ZNF503: variants seen among roughly 807,000 people sequenced by gnomAD.
ZNF503 encodes the protein zinc finger protein 503, also known as NocA-like zinc finger 2.
ZNF503 carries 15 observed loss-of-function variants against 34.4 expected under a neutral mutation model. The observed-to-expected ratio is 0.44, with a 90% CI of 0.29 to 0.67. The LOEUF (loss-of-function observed/expected upper bound fraction) is 0.67. Ranked by LOEUF, ZNF503 falls within the 30% of genes least tolerant of loss-of-function variation. ZNF503 has a pLI of 0.13. For synonymous variants in ZNF503, 580 were observed against 456.8 expected, an observed-to-expected ratio of 1.27 and a Z score of -3.44; for missense variants, 1,007 against 926.8, an observed-to-expected ratio of 1.09 and a Z score of -1.12.
chr10:75,400,970 G>A lies in ZNF503; in HGVS notation c.315+135C>T, dbSNP rs1488023651. The A allele has an allele frequency of 4.6e-6, 6 of 1,295,280 alleles. 1 individual carries two copies. The highest frequency in any genetic ancestry group is 3.7e-4 in the Middle Eastern group (2 of 5,384). 80.2% of individuals were successfully genotyped at this position (1,295,280 alleles called of 1,614,324 possible). A position where few individuals can be genotyped will look rare whatever the true frequency, so the allele number is the denominator to read the frequency against. ...TCCGCCCTAGTTTTGAGGTACGGAA[G>A]CAGTAGCCTCTTCCCCCATTCGGGA... On this transcript the variant is annotated intron_variant, in intron 1 of 1. Coordinates refer to ENST00000372524, the MANE Select transcript of ZNF503 (RefSeq NM_032772.6).
chr10:75,340,143 C>G, the ZNF503 span, among the ~76,000 whole-genome samples: 5 of 10,978 alleles, frequency 4.6e-4, no homozygotes, highest in Non-Finnish European at 8.7e-4. Flanking sequence ...GAATGGGGGC[C>G]TGGTGGTGGG....
At chr10:75,344,776 A>C in the ZNF503 span, among the ~76,000 whole-genome samples, 1 of 152,222 alleles carries the variant, frequency 6.6e-6, no homozygotes. Flanking sequence ...GGTTGGTGCC[A>C]GCGTCATTGC....
At chr10:75,345,398 A>G in the ZNF503 span, among the ~76,000 whole-genome samples, 13 of 152,064 alleles carry the variant, frequency 8.5e-5, no homozygotes, top group Non-Finnish European at 7.4e-5. Flanking sequence ...GCACTTTGGG[A>G]GGCTGAGGCA....
At chr10:75,370,527 TC>T in the ZNF503 span, among the ~76,000 whole-genome samples, 3 of 152,016 alleles carry the variant, frequency 2.0e-5, no homozygotes, top group African/African-American at 7.3e-5. Flanking sequence ...ATGCCTGTAA[TC>T]CCAGCACTTT....
the ZNF503 span, among the ~76,000 whole-genome samples, chr10:75,338,745 G>A: frequency 2.0e-5 from 3 of 152,162 alleles, no homozygotes; most frequent in Admixed American, 6.5e-5. Context: ...GGAAGGTGTC[G>A]CCATAGGGAC....
chr10:75,395,777 T>C (rs759194078), downstream of ZNF503, among the ~76,000 whole-genome samples: 2 of 152,212 alleles, frequency 1.3e-5, no homozygotes, highest in Non-Finnish European at 2.9e-5. This position sits in a 1 kb window ranked among gnomAD's most constrained non-coding sequence, Gnocchi z 4.4. Flanking sequence ...TGCCTCTGTG[T>C]AGCTGCTCCC....
chr10:75,289,165 C>A, the ZNF503 span, among the ~76,000 whole-genome samples: 2 of 152,144 alleles, frequency 1.3e-5, no homozygotes, highest in Admixed American at 1.3e-4. Context: ...GGAGTGGGAG[C>A]AAAGACTGTT....
chr10:75,384,335 T>C, the ZNF503 span, among the ~76,000 whole-genome samples: 2 of 151,968 alleles, frequency 1.3e-5, no homozygotes, highest in African/African-American at 4.8e-5. Context: ...AACTCAGATA[T>C]ATGATCACAT....
the ZNF503 span, chr10:75,283,892 A>G: frequency 6.6e-6 from 1 of 152,204 alleles, no homozygotes; most frequent in East Asian, 1.9e-4. Flanking sequence ...AGATCAGAGC[A>G]GCAATAGGGC....
At chr10:75,291,548 C>T in the ZNF503 span, among the ~76,000 whole-genome samples, 1 of 152,102 alleles carries the variant, frequency 6.6e-6, no homozygotes, top group Non-Finnish European at 1.5e-5. Context: ...GGGTTCGAGG[C>T]TGCAGTGAGC....
chr10:75,396,645 C>T (rs1389321340), downstream of ZNF503, among the ~76,000 whole-genome samples: 1 of 152,140 alleles, frequency 6.6e-6, no homozygotes, highest in African/African-American at 2.4e-5. This position sits in a 1 kb window ranked among gnomAD's most constrained non-coding sequence, Gnocchi z 4.4. Context: ...CCGAGGGGAT[C>T]CCGAGACTCG....
chr10:75,335,782 G>A, the ZNF503 span, among the ~76,000 whole-genome samples: 6 of 152,104 alleles, frequency 3.9e-5, no homozygotes, highest in Non-Finnish European at 5.9e-5. Context: ...ACACAGGCAT[G>A]AACCTCTGTC....
chr10:75,368,328 C>A, the ZNF503 span, among the ~76,000 whole-genome samples: 1 of 151,674 alleles, frequency 6.6e-6, no homozygotes, highest in African/African-American at 2.4e-5. Context: ...TCAAGGGTAC[C>A]AATAAGAATA....
the ZNF503 span, among the ~76,000 whole-genome samples, chr10:75,376,161 G>A: frequency 7.9e-5 from 12 of 152,274 alleles, 1 homozygote; most frequent in Middle Eastern, 0.01. Context: ...AAGAGGAAAG[G>A]CCTCAGAGAT....
At chr10:75,348,507 A>AT in the ZNF503 span, among the ~76,000 whole-genome samples, 10,950 of 99,182 alleles carry the variant, frequency 0.11, 937 homozygotes, top group African/African-American at 0.2. Context: ...CCCTATTACT[A>AT]TTTTTTTTTT....
the ZNF503 span, among the ~76,000 whole-genome samples, chr10:75,322,997 G>A: frequency 6.6e-6 from 1 of 152,154 alleles, no homozygotes; most frequent in Non-Finnish European, 1.5e-5. Flanking sequence ...AATTCACAGA[G>A]TTGTACCTCC....
the ZNF503 span, among the ~76,000 whole-genome samples, chr10:75,379,890 A>T: frequency 1.3e-5 from 2 of 152,240 alleles, no homozygotes; most frequent in Non-Finnish European, 2.9e-5. Context: ...ATCCAAATGC[A>T]AGGTGGGCAG....
At position 75,400,264 on chromosome 10, in the gene ZNF503, G is replaced by A. The variant is rs773466865; in HGVS notation, c.426C>T (p.Gly142=). 1.2e-6 allele frequency: 2 copies of A among 1,612,938 alleles called. No individual in the cohort carries two copies. The highest frequency in any genetic ancestry group is 1.3e-5 in the African/African-American group (1 of 74,916). ...CACCGCCGCCGGCACCGCCCGCGCC[G>A]CCCCCGTTGGAGGCAACCGAGGAGA... ...SKLSSVASNG[G]GAGGAGGGAA... is the part of the protein sequence containing the mutation. The change falls in exon 2 of 2, where the codon GGC becomes GGT. Residue 142 remains glycine (G), a synonymous_variant. Coordinates refer to ENST00000372524, the MANE Select transcript of ZNF503 (RefSeq NM_032772.6).
the ZNF503 span, among the ~76,000 whole-genome samples, chr10:75,391,076 C>G: frequency 6.6e-6 from 1 of 152,296 alleles, no homozygotes; most frequent in South Asian, 2.1e-4. Context: ...TTCCTAACAG[C>G]CCTATTTCCA....
Sources: allele counts gnomAD v4.1 joint callset (sites outside exome capture counted in the v4.1 genomes callset), GRCh38; gene constraint gnomAD v4.1.1; non-coding constraint Gnocchi (gnomAD v3.1); transcripts MANE v1.5; gene names NCBI Gene and HGNC (gene_info 2026-07-23, HGNC 2026-07-21).